The following TBC1D5 variants were observed in gnomAD, a reference collection of about 807,000 sequenced individuals.
TBC1D5 encodes the protein TBC1 domain family member 5.
Under a neutral mutation model 100.3 loss-of-function variants are expected in TBC1D5, and 75 were observed. The ratio of observed to expected loss-of-function variants is 0.75; its 90% CI spans 0.62 to 0.91. The LOEUF is 0.91. Ranked by LOEUF, TBC1D5 falls within the 40% of genes least tolerant of loss-of-function variation. TBC1D5 has a pLI of 0.00. For synonymous variants in TBC1D5, 323 were observed against 325.6 expected (o/e 0.99, Z 0.09); for missense variants, 910 against 942.4 (o/e 0.97, Z 0.45).
intron 2 of TBC1D5, among the ~76,000 whole-genome samples, chr3:17,592,109 G>A (rs2060267958): frequency 6.6e-6 from 1 of 152,166 alleles, no homozygotes. Flanking sequence ...CTCCATTCCT[G>A]TCCATAAGGC....
At chr3:17,357,973 T>C (rs887065634) in intron 13 of TBC1D5, among the ~76,000 whole-genome samples, 1 of 152,170 alleles carries the variant, frequency 6.6e-6, no homozygotes, top group African/African-American at 2.4e-5. Context: ...ACTTGTAATA[T>C]ATACCAAGCA....
intron 2 of TBC1D5, among the ~76,000 whole-genome samples, chr3:17,614,189 T>C (rs895930850): frequency 6.6e-6 from 1 of 152,176 alleles, no homozygotes; most frequent in Non-Finnish European, 1.5e-5. Flanking sequence ...AAAGATCAGA[T>C]GGTTGTAGAT....
intron 2 of TBC1D5, among the ~76,000 whole-genome samples, chr3:17,556,510 G>A (rs113956478): frequency 2.6e-5 from 4 of 151,906 alleles, no homozygotes; most frequent in African/African-American, 7.3e-5. Flanking sequence ...TTCTCCTCTC[G>A]ATGCCATCTT....
chr3:17,700,840 G>A (rs771505002), intron 1 of TBC1D5, among the ~76,000 whole-genome samples: 1 of 152,154 alleles, frequency 6.6e-6, no homozygotes, highest in Non-Finnish European at 1.5e-5. Context: ...ACAGGTGCTG[G>A]AGAGGATGTG....
At chr3:17,323,603 C>T (rs1379079404) in intron 13 of TBC1D5, among the ~76,000 whole-genome samples, 1 of 151,856 alleles carries the variant, frequency 6.6e-6, no homozygotes. Flanking sequence ...TAATAAACCC[C>T]ATAAAATATT....
chr3:17,191,927 G>T (rs991302603), intron 18 of TBC1D5, among the ~76,000 whole-genome samples: 1 of 151,930 alleles, frequency 6.6e-6, no homozygotes, highest in Non-Finnish European at 1.5e-5. Context: ...CCCAACTTAT[G>T]CAACCTTTAA....
Position 17,677,461 on chromosome 3 carries a change from A to G in TBC1D5, c.-100-53548T>C, listed in dbSNP as rs1170315939. Among the ~76,000 whole-genome samples, 2 of 152,218 alleles carry G rather than the reference A, an allele frequency of 1.3e-5. 1 individual carries two copies. Among genetic ancestry groups the G allele is most frequent in the Non-Finnish European group, 2.9e-5 (2 of 68,032 alleles). ...AAACCACAATGAGATACCATCTCAC[A>G]CCAGTTAGAATGGTGATCATTAAAA... On this transcript the variant is annotated intron_variant, in intron 1 of 21. Coordinates refer to ENST00000253692, the Ensembl canonical transcript of TBC1D5.
intron 3 of TBC1D5, among the ~76,000 whole-genome samples, chr3:17,473,888 A>C (rs1454143943): frequency 2.7e-5 from 4 of 146,272 alleles, no homozygotes; most frequent in African/African-American, 1.1e-4. Context: ...TTTTTACTTT[A>C]CTTTTTTTTT....
chr3:17,569,203 T>A (rs974345689), intron 2 of TBC1D5, among the ~76,000 whole-genome samples: 14 of 151,768 alleles, frequency 9.2e-5, no homozygotes, highest in African/African-American at 3.1e-4. Context: ...AAAAACCCAA[T>A]CCTAAAAGAT....
chr3:17,288,991 A>C (rs1484194228), intron 15 of TBC1D5, among the ~76,000 whole-genome samples: 1 of 152,226 alleles, frequency 6.6e-6, no homozygotes, highest in African/African-American at 2.4e-5. Flanking sequence ...GGTTGCGGAC[A>C]ACAGGACTAA....
intron 1 of TBC1D5, among the ~76,000 whole-genome samples, chr3:17,705,872 G>C (rs562975393): frequency 1.3e-5 from 2 of 152,056 alleles, no homozygotes; most frequent in South Asian, 4.1e-4. Flanking sequence ...CTGCAATCTC[G>C]GCACTTTGGG....
chr3:17,163,003 C>T (rs959903180), intron 21 of TBC1D5, among the ~76,000 whole-genome samples: 1 of 152,156 alleles, frequency 6.6e-6, no homozygotes, highest in African/African-American at 2.4e-5. Flanking sequence ...TTTAGCAGGG[C>T]CTAGTTTTTA....
At chr3:17,703,009 A>G (rs931091839) in intron 1 of TBC1D5, among the ~76,000 whole-genome samples, 1 of 152,118 alleles carries the variant, frequency 6.6e-6, no homozygotes, top group South Asian at 2.1e-4. Context: ...AACACCAAAC[A>G]TCTTTACTGA....
intron 1 of TBC1D5, among the ~76,000 whole-genome samples, chr3:17,663,994 C>A (rs2066951831): frequency 6.6e-6 from 1 of 152,134 alleles, no homozygotes; most frequent in Non-Finnish European, 1.5e-5. Context: ...TACAACAACC[C>A]AACATCTTTC....
At chr3:17,629,732 C>A (rs2063341328) in intron 1 of TBC1D5, among the ~76,000 whole-genome samples, 1 of 152,126 alleles carries the variant, frequency 6.6e-6, no homozygotes. Flanking sequence ...TAGGAACAGC[C>A]TTGAGTTGAC....
chr3:17,683,721 A>G (rs571702792), intron 1 of TBC1D5, among the ~76,000 whole-genome samples: 1 of 152,320 alleles, frequency 6.6e-6, no homozygotes, highest in East Asian at 1.9e-4. Context: ...TGTGGCAATC[A>G]GCAAGCTACT....
At chr3:17,286,155 C>A (rs1176879254) in intron 15 of TBC1D5, among the ~76,000 whole-genome samples, 1 of 152,152 alleles carries the variant, frequency 6.6e-6, no homozygotes, top group Non-Finnish European at 1.5e-5. Flanking sequence ...CTTCAACACA[C>A]AACACAAATA....
chr3:17,617,906 C>T (rs1441255473), intron 2 of TBC1D5, among the ~76,000 whole-genome samples: 1 of 152,216 alleles, frequency 6.6e-6, no homozygotes, highest in African/African-American at 2.4e-5. Context: ...TCTGTCAACT[C>T]ATCAAAGTCT....
intron 2 of TBC1D5, among the ~76,000 whole-genome samples, chr3:17,540,446 G>A (rs771417061): frequency 8.6e-5 from 13 of 151,998 alleles, no homozygotes; most frequent in Non-Finnish European, 1.6e-4. Flanking sequence ...GACTTTTATA[G>A]TTTTGGGTCT....
Sources: allele counts gnomAD v4.1 joint callset (sites outside exome capture counted in the v4.1 genomes callset), GRCh38; gene constraint gnomAD v4.1.1; transcripts MANE v1.5; gene names NCBI Gene and HGNC (gene_info 2026-07-23, HGNC 2026-07-21).